NR6A1: variants seen among roughly 807,000 people sequenced by gnomAD.
NR6A1 encodes the protein nuclear receptor subfamily 6 group A member 1, also known as retinoic acid receptor-related testis-associated receptor.
NR6A1 carries 7 observed loss-of-function variants against 59.1 expected under a neutral mutation model. That is an observed-to-expected ratio of 0.12 (90% CI 0.07 to 0.22). The LOEUF is 0.22. NR6A1 is among the 10% of genes least tolerant of loss of function. The probability of loss-of-function intolerance (pLI) is 1.00; values close to 1 mark genes in which losing one functional copy is unlikely to be tolerated. For synonymous variants in NR6A1, 243 were observed against 236.1 expected, an observed-to-expected ratio of 1.03 and a Z score of -0.27; for missense variants, 468 against 611.6, an observed-to-expected ratio of 0.77 and a Z score of 2.48.
intron 2 of NR6A1, among the ~76,000 whole-genome samples, chr9:124,624,893 C>T (rs1836187706): frequency 6.8e-6 from 1 of 146,148 alleles, no homozygotes; most frequent in South Asian, 2.2e-4. Context: ...TTTGACATTA[C>T]TTTTTCTGTT....
chr9:124,666,328 G>A (rs561379488), intron 2 of NR6A1, among the ~76,000 whole-genome samples: 3 of 144,138 alleles, frequency 2.1e-5, no homozygotes, highest in African/African-American at 8.2e-5. Flanking sequence ...GCCCAGGCTG[G>A]AGTGTAGTAG....
intron 2 of NR6A1, among the ~76,000 whole-genome samples, chr9:124,649,230 G>A (rs1429715909): frequency 1.1e-5 from 1 of 92,744 alleles, no homozygotes; most frequent in Admixed American, 1.2e-4. Flanking sequence ...TGTGGTACTG[G>A]CACAAAAAAA....
intron 2 of NR6A1, among the ~76,000 whole-genome samples, chr9:124,622,072 C>A (rs150095489): frequency 1.6e-4 from 24 of 152,194 alleles, no homozygotes; most frequent in Admixed American, 1.1e-3. Context: ...AAAAATTAGC[C>A]GGGCATGGTG....
At chr9:124,606,125 A>G (rs906417531) in intron 2 of NR6A1, among the ~76,000 whole-genome samples, 2 of 152,050 alleles carry the variant, frequency 1.3e-5, no homozygotes, top group Non-Finnish European at 2.9e-5. Context: ...CATATTCCCA[A>G]TGCTCTCAGC....
chr9:124,689,991 G>A (rs374187344), intron 2 of NR6A1, among the ~76,000 whole-genome samples: 5 of 152,124 alleles, frequency 3.3e-5, no homozygotes, highest in African/African-American at 7.2e-5. Flanking sequence ...TTCTACTGCC[G>A]AATCAGTAAA....
chr9:124,627,311 C>T (rs1836273373), intron 2 of NR6A1, among the ~76,000 whole-genome samples: 1 of 151,756 alleles, frequency 6.6e-6, no homozygotes, highest in Non-Finnish European at 1.5e-5. Context: ...ATAATCTAGC[C>T]CCGCCTTAAA....
At chr9:124,711,935 G>A (rs1839291414) in intron 2 of NR6A1, among the ~76,000 whole-genome samples, 1 of 152,196 alleles carries the variant, frequency 6.6e-6, no homozygotes, top group Admixed American at 6.5e-5. Context: ...TTTTGTACAT[G>A]CTCTTAGAAT....
At chr9:124,647,919 C>T (rs1256901541) in intron 2 of NR6A1, among the ~76,000 whole-genome samples, 1 of 151,942 alleles carries the variant, frequency 6.6e-6, no homozygotes, top group Non-Finnish European at 1.5e-5. Flanking sequence ...CAAAACTATT[C>T]CAAAAAATTG....
At chr9:124,724,335 C>T (rs1321386170) in intron 2 of NR6A1, among the ~76,000 whole-genome samples, 1 of 151,682 alleles carries the variant, frequency 6.6e-6, no homozygotes, top group African/African-American at 2.4e-5. Context: ...CCATAGTGAA[C>T]CATACATTAT....
chr9:124,636,724 G>A (rs540068661), intron 2 of NR6A1, among the ~76,000 whole-genome samples: 19 of 152,224 alleles, frequency 1.2e-4, no homozygotes, highest in South Asian at 4.2e-4. Context: ...ATCAGTTGAC[G>A]GCATTTACAA....
Position 124,740,456 on chromosome 9 carries a change from T to C in NR6A1, c.101-7107A>G, listed in dbSNP as rs546860659. Among the ~76,000 whole-genome samples, 10 of 152,260 alleles carry C rather than the reference T, an allele frequency of 6.6e-5. No homozygotes were observed. In the South Asian group the frequency reaches 1.9e-3, roughly 28 times the overall value. ...CAATTGCAATTCAAGTCTTATATAG[T>C]TTTAAACATGAGATACAGTGACACA... On this transcript the variant is annotated intron_variant, in intron 1 of 9. Coordinates refer to ENST00000487099, the MANE Select transcript of NR6A1 (RefSeq NM_033334.4).
chr9:124,763,083 CAT>C (rs1840824927), intron 1 of NR6A1, among the ~76,000 whole-genome samples: 1 of 152,214 alleles, frequency 6.6e-6, no homozygotes, highest in African/African-American at 2.4e-5. Flanking sequence ...CAGATCACAA[CAT>C]AATCACACAA....
intron 1 of NR6A1, among the ~76,000 whole-genome samples, chr9:124,762,634 A>C: frequency 6.6e-6 from 1 of 152,350 alleles, no homozygotes; most frequent in Non-Finnish European, 1.5e-5. Context: ...GTTTAAAACC[A>C]TATCAATGAA....
chr9:124,734,929 G>A (rs747514516), intron 1 of NR6A1, among the ~76,000 whole-genome samples: 27 of 152,022 alleles, frequency 1.8e-4, no homozygotes, highest in African/African-American at 5.8e-4. Flanking sequence ...TGCAACCTCC[G>A]CGCCTCCTGG....
chr9:124,750,947 G>T (rs1270255217), intron 1 of NR6A1, among the ~76,000 whole-genome samples: 1 of 152,022 alleles, frequency 6.6e-6, no homozygotes, highest in African/African-American at 2.4e-5. Context: ...GGTACAAATG[G>T]CCCTTTGTAT....
intron 1 of NR6A1, among the ~76,000 whole-genome samples, chr9:124,748,533 T>C (rs1267305325): frequency 4.6e-5 from 7 of 152,128 alleles, no homozygotes; most frequent in African/African-American, 1.4e-4. Context: ...TGTGGTCCCA[T>C]AGGCATTTCC....
intron 2 of NR6A1, among the ~76,000 whole-genome samples, chr9:124,597,447 C>A (rs1449681727): frequency 6.6e-6 from 1 of 152,164 alleles, no homozygotes; most frequent in African/African-American, 2.4e-5. Context: ...AAGGGCAGCT[C>A]TCTGTCTCCC....
At chr9:124,646,787 A>G (rs1416746676) in intron 2 of NR6A1, among the ~76,000 whole-genome samples, 1 of 152,248 alleles carries the variant, frequency 6.6e-6, no homozygotes. Flanking sequence ...AAACAAACCA[A>G]TTCTTTGAAA....
intron 2 of NR6A1, among the ~76,000 whole-genome samples, chr9:124,563,314 G>A (rs1184658811): frequency 6.6e-6 from 1 of 152,164 alleles, no homozygotes; most frequent in Admixed American, 6.5e-5. Flanking sequence ...GCATTTGTGT[G>A]TCTGTGATGT....
Sources: gnomAD v4.1 joint callset for allele counts (sites outside exome capture counted in the v4.1 genomes callset) on GRCh38, gnomAD v4.1.1 for gene constraint, MANE v1.5 for transcripts, NCBI Gene and HGNC (gene_info 2026-07-23, HGNC 2026-07-21) for gene names.